TASP1: variants seen among roughly 807,000 people sequenced by gnomAD.
TASP1 encodes taspase 1.
In TASP1, 16 loss-of-function variants were observed where a neutral mutation model predicts 56.6. The ratio of observed to expected loss-of-function variants is 0.28; its 90% CI spans 0.19 to 0.43. TASP1 has a LOEUF of 0.43. TASP1 is among the 20% of genes least tolerant of loss of function. The probability of loss-of-function intolerance (pLI) is 1.00; values close to 1 mark genes in which losing one functional copy is unlikely to be tolerated. For missense variants in TASP1, 393 were observed against 511.6 expected (o/e 0.77, Z 2.24); for synonymous variants, 179 against 184.2 (o/e 0.97, Z 0.23).
chr20:13,468,611 C>T (rs1466994065), intron 11 of TASP1, among the ~76,000 whole-genome samples: 1 of 152,034 alleles, frequency 6.6e-6, no homozygotes, highest in Non-Finnish European at 1.5e-5. Flanking sequence ...GCAGCTTAGG[C>T]CCTATTCAGA....
At chr20:13,508,922 A>T (rs1403376927) in intron 10 of TASP1, among the ~76,000 whole-genome samples, 1 of 152,190 alleles carries the variant, frequency 6.6e-6, no homozygotes, top group Non-Finnish European at 1.5e-5. Flanking sequence ...TCTGGAAAAC[A>T]ACATGGAGGT....
intron 8 of TASP1, among the ~76,000 whole-genome samples, chr20:13,558,459 C>T (rs1287375583): frequency 6.6e-6 from 1 of 152,062 alleles, no homozygotes; most frequent in East Asian, 1.9e-4. Context: ...TGTAGCTATT[C>T]AGAAATTAAA....
At chr20:13,363,666 T>G in the TASP1 span, among the ~76,000 whole-genome samples, 1 of 152,198 alleles carries the variant, frequency 6.6e-6, no homozygotes, top group Non-Finnish European at 1.5e-5. Context: ...GGGAAGGGTT[T>G]GTGGAACTGA....
At chr20:13,588,692 T>C (rs917261200) in intron 4 of TASP1, among the ~76,000 whole-genome samples, 2 of 152,220 alleles carry the variant, frequency 1.3e-5, no homozygotes, top group African/African-American at 4.8e-5. Context: ...AAACATTCTA[T>C]GTACGTGGAC....
the TASP1 span, among the ~76,000 whole-genome samples, chr20:13,269,751 T>A: frequency 6.6e-6 from 1 of 152,246 alleles, no homozygotes; most frequent in Admixed American, 6.5e-5. Flanking sequence ...CTTTCTTTTC[T>A]TCTTGGCAGT....
At chr20:13,266,755 A>G in the TASP1 span, among the ~76,000 whole-genome samples, 2 of 152,210 alleles carry the variant, frequency 1.3e-5, no homozygotes, top group African/African-American at 2.4e-5. Flanking sequence ...TCATTTTCAG[A>G]GAAGAATGTT....
At chr20:13,217,860 T>A in the TASP1 span, among the ~76,000 whole-genome samples, 1 of 152,230 alleles carries the variant, frequency 6.6e-6, no homozygotes, top group Admixed American at 6.5e-5. Flanking sequence ...TCTCACTTGC[T>A]CAAGGTTCAA....
At chr20:13,237,126 CAT>C in the TASP1 span, among the ~76,000 whole-genome samples, 1 of 152,176 alleles carries the variant, frequency 6.6e-6, no homozygotes, top group Non-Finnish European at 1.5e-5. Context: ...CTGCAGCACA[CAT>C]GAAGTCCCTC....
the TASP1 span, among the ~76,000 whole-genome samples, chr20:13,135,263 G>A: frequency 6.6e-6 from 1 of 152,172 alleles, no homozygotes; most frequent in African/African-American, 2.4e-5. Context: ...GCTAGGTGTT[G>A]ATTTATCATA....
At chr20:13,268,603 C>G in the TASP1 span, among the ~76,000 whole-genome samples, 1 of 152,328 alleles carries the variant, frequency 6.6e-6, no homozygotes, top group African/African-American at 2.4e-5. Flanking sequence ...TGCTGCAGAG[C>G]AGCCAGCTTT....
intron 13 of TASP1, among the ~76,000 whole-genome samples, chr20:13,402,677 G>C (rs1203242559): frequency 6.6e-6 from 1 of 152,202 alleles, no homozygotes; most frequent in Non-Finnish European, 1.5e-5. Flanking sequence ...ATTTGGTTAA[G>C]ACTAAGGCCA....
chr20:13,389,237 G>C (rs6105082), downstream of TASP1, among the ~76,000 whole-genome samples: 20,139 of 152,116 alleles, frequency 0.13, 2,988 homozygotes, highest in African/African-American at 0.37. Context: ...TCCATATTGA[G>C]CATTCAATCA....
At chr20:13,152,585 T>C in the TASP1 span, among the ~76,000 whole-genome samples, 12 of 152,190 alleles carry the variant, frequency 7.9e-5, no homozygotes, top group Admixed American at 2.6e-4. Flanking sequence ...TGTAGCTTGA[T>C]AATTATCCCA....
rs771792627 is a variant in TASP1 at position 13,630,021 on chromosome 20, C to A, written c.58G>T (p.Val20Phe). The A allele has an allele frequency of 2.1e-5, 34 of 1,613,880 alleles. No individual in the cohort carries two copies. The highest frequency in any genetic ancestry group is 2.8e-5 in the Non-Finnish European group (33 of 1,180,004). Residue 20 changes from valine (V) to phenylalanine (F), a missense_variant, in exon 2 of 14, where the codon GTT (valine) becomes TTT (phenylalanine). Val to Phe is a conservative substitution (Grantham distance 50). Transcript: ENST00000337743. ...GEGLPSRSSQ[V>F]SAGKITAKEL... The stretch of plus-strand genomic sequence containing the variant: ...TTGGCTGTTATTTTACCAGCCGAAA[C>A]CTGAGATGATCTGGAAGGCAGCCCT...
At chr20:13,354,879 A>T in the TASP1 span, among the ~76,000 whole-genome samples, 2 of 152,192 alleles carry the variant, frequency 1.3e-5, no homozygotes, top group South Asian at 4.1e-4. Context: ...GGCAGATCTA[A>T]TGGATAAAAT....
At chr20:13,132,673 A>C in the TASP1 span, among the ~76,000 whole-genome samples, 1 of 152,056 alleles carries the variant, frequency 6.6e-6, no homozygotes, top group Non-Finnish European at 1.5e-5. Context: ...TATCCCTCTT[A>C]CCTCAGCAAA....
intron 13 of TASP1, among the ~76,000 whole-genome samples, chr20:13,397,777 GTCTTTTTC>G (rs2041595784): frequency 1.3e-5 from 2 of 152,158 alleles, no homozygotes; most frequent in Non-Finnish European, 2.9e-5. Context: ...GGGTTTCAAT[GTCTTTTTC>G]GGTAAAAGTG....
chr20:13,202,233 T>C, the TASP1 span, among the ~76,000 whole-genome samples: 1 of 152,208 alleles, frequency 6.6e-6, no homozygotes, highest in Non-Finnish European at 1.5e-5. Flanking sequence ...ATTCCCTCCA[T>C]GGCTGAGTTC....
chr20:13,590,368 G>A (rs527807189), intron 4 of TASP1, among the ~76,000 whole-genome samples: 1 of 152,338 alleles, frequency 6.6e-6, no homozygotes, highest in South Asian at 2.1e-4. Flanking sequence ...TGGGAAGGAT[G>A]TACGGACATG....
Sources: gnomAD v4.1 joint callset for allele counts (sites outside exome capture counted in the v4.1 genomes callset) on GRCh38, gnomAD v4.1.1 for gene constraint, MANE v1.5 for transcripts, NCBI Gene and HGNC (gene_info 2026-07-23, HGNC 2026-07-21) for gene names.